The following PTPRG variants were observed in gnomAD, a reference collection of about 807,000 sequenced individuals.
The protein encoded by PTPRG is protein tyrosine phosphatase receptor type G, also known as receptor-type tyrosine-protein phosphatase gamma.
A neutral mutation model predicts 165.3 loss-of-function variants in PTPRG; 102 were observed. That is an observed-to-expected ratio of 0.62 (90% CI 0.53 to 0.73). The LOEUF (loss-of-function observed/expected upper bound fraction) is 0.73, where lower values mean the gene tolerates loss of function less well. PTPRG is among the 30% of genes least tolerant of loss of function. The pLI, the probability that PTPRG is intolerant of heterozygous loss-of-function variation, is 0.00. For missense variants in PTPRG, 1,866 were observed against 1,861.4 expected, an observed-to-expected ratio of 1.00 and a Z score of -0.05; for synonymous variants, 675 against 669.5, an observed-to-expected ratio of 1.01 and a Z score of -0.13.
At chr3:61,956,587 A>G (rs895904510) in intron 2 of PTPRG, among the ~76,000 whole-genome samples, 1 of 152,222 alleles carries the variant, frequency 6.6e-6, no homozygotes, top group African/African-American at 2.4e-5. Flanking sequence ...TCAATTAGAT[A>G]TGCCAGTCAC....
At chr3:62,180,953 G>A (rs1248404841) in intron 8 of PTPRG, among the ~76,000 whole-genome samples, 1 of 150,046 alleles carries the variant, frequency 6.7e-6, no homozygotes, top group Non-Finnish European at 1.5e-5. Flanking sequence ...TACATGCACA[G>A]CAGAGACAGC....
intron 2 of PTPRG, among the ~76,000 whole-genome samples, chr3:61,951,065 G>T (rs1238279243): frequency 6.6e-6 from 1 of 152,218 alleles, no homozygotes; most frequent in Non-Finnish European, 1.5e-5. Context: ...AGTACAAGAA[G>T]CTGTAAATTG....
At chr3:61,880,236 T>C (rs2037846258) in intron 2 of PTPRG, among the ~76,000 whole-genome samples, 1 of 152,220 alleles carries the variant, frequency 6.6e-6, no homozygotes, top group South Asian at 2.1e-4. Flanking sequence ...GGCTGACAGA[T>C]TAAGAAATTG....
chr3:62,096,285 C>T (rs1468268753), intron 5 of PTPRG, among the ~76,000 whole-genome samples: 3 of 152,158 alleles, frequency 2.0e-5, no homozygotes, highest in African/African-American at 7.2e-5. Context: ...AATAACGCTT[C>T]TGGAGGGTGA....
intron 12 of PTPRG, among the ~76,000 whole-genome samples, chr3:62,208,890 G>A (rs1025953344): frequency 5.3e-5 from 8 of 152,268 alleles, no homozygotes; most frequent in African/African-American, 1.7e-4. Context: ...CATGAATGTC[G>A]TACTTTGTTG....
intron 7 of PTPRG, among the ~76,000 whole-genome samples, chr3:62,164,699 T>C (rs1704901406): frequency 6.6e-6 from 1 of 152,250 alleles, no homozygotes. Flanking sequence ...TAAGCTGCAA[T>C]AGCAATTTAA....
intron 2 of PTPRG, among the ~76,000 whole-genome samples, chr3:61,829,643 G>A (rs1384993871): frequency 6.6e-6 from 1 of 152,238 alleles, no homozygotes; most frequent in Non-Finnish European, 1.5e-5. Flanking sequence ...CAGGGAGAGT[G>A]TATTAATCCA....
chr3:62,123,563 C>T, intron 5 of PTPRG, among the ~76,000 whole-genome samples: 1 of 152,080 alleles, frequency 6.6e-6, no homozygotes, highest in East Asian at 1.9e-4. Context: ...AATCACCATT[C>T]AATAAACACA....
chr3:61,809,553 G>A (rs931885691), intron 2 of PTPRG, among the ~76,000 whole-genome samples: 2 of 152,088 alleles, frequency 1.3e-5, no homozygotes, highest in African/African-American at 4.8e-5. Flanking sequence ...TTACATTTGA[G>A]TTCTGATCCT....
chr3:61,793,349 C>T (rs987951581), intron 2 of PTPRG, among the ~76,000 whole-genome samples: 1 of 152,126 alleles, frequency 6.6e-6, no homozygotes, highest in African/African-American at 2.4e-5. Flanking sequence ...TAATGAGCAT[C>T]TTTTCTGAGT....
chr3:61,907,182 A>C (rs1453390887), intron 2 of PTPRG, among the ~76,000 whole-genome samples: 1 of 151,474 alleles, frequency 6.6e-6, no homozygotes, highest in Admixed American at 6.6e-5. Context: ...GTAAATATTT[A>C]TTATAGAATA....
At chr3:61,593,077 CAT>C (rs1304852312) in intron 1 of PTPRG, among the ~76,000 whole-genome samples, 1 of 152,200 alleles carries the variant, frequency 6.6e-6, no homozygotes, top group Non-Finnish European at 1.5e-5. Context: ...AATGCAGACT[CAT>C]AGACTCTTAG....
rs200095969 is a variant in PTPRG, at chr3:61,767,186, G to A, written c.190+18204G>A. On this transcript the variant is annotated intron_variant, in intron 2 of 29. Coordinates refer to ENST00000474889, the MANE Select transcript of PTPRG (RefSeq NM_002841.4). ...TTGAACCTGAGAGACAGAGGTTGCAGTGAGCCGAGATTGCACCACTGCACT... is the reference window on the plus strand; with the variant it reads ...TTGAACCTGAGAGACAGAGGTTGCAATGAGCCGAGATTGCACCACTGCACT... Among the ~76,000 whole-genome samples the A allele has an allele frequency of 2.0e-4, 25 of 121,958 alleles. No homozygotes were observed. In the East Asian group the frequency reaches 6.1e-3, roughly 30 times the overall value. 80.0% of individuals were successfully genotyped at this position (121,958 alleles called of 152,430 possible). A position where few individuals can be genotyped will look rare whatever the true frequency, so the allele number is the denominator to read the frequency against.
At chr3:61,897,075 GT>G (rs993521065) in intron 2 of PTPRG, among the ~76,000 whole-genome samples, 18 of 151,948 alleles carry the variant, frequency 1.2e-4, no homozygotes, top group South Asian at 4.2e-4. Flanking sequence ...TGGCAGAAAA[GT>G]TTTTAGTTTT....
At chr3:61,662,723 G>A (rs1307064799) in intron 1 of PTPRG, among the ~76,000 whole-genome samples, 2 of 152,314 alleles carry the variant, frequency 1.3e-5, no homozygotes, top group East Asian at 1.9e-4. Context: ...GCAGAACTAG[G>A]TAAGGCCTTT....
chr3:61,931,573 C>G (rs1262370894), intron 2 of PTPRG, among the ~76,000 whole-genome samples: 1 of 152,164 alleles, frequency 6.6e-6, no homozygotes, highest in African/African-American at 2.4e-5. Context: ...TGCTCTTACA[C>G]AAGTCAAGAC....
chr3:61,743,312 C>A (rs141076170), intron 1 of PTPRG, among the ~76,000 whole-genome samples: 1 of 152,154 alleles, frequency 6.6e-6, no homozygotes, highest in Non-Finnish European at 1.5e-5. Flanking sequence ...CTGAGTGAGA[C>A]GTAAGCATCA....
At position 61,989,808 on chromosome 3, in the gene PTPRG, G is replaced by C. The variant is rs776129122; in HGVS notation, c.370+4G>C. ...ATGAAAAACACAGGGAAAACAGGTA[G>C]ACAATGGCTTCTTTATTTGTCCACA... On this transcript the variant is annotated splice_donor_region_variant and intron_variant, in intron 3 of 29. Coordinates refer to ENST00000474889, the MANE Select transcript of PTPRG (RefSeq NM_002841.4). The C allele has an allele frequency of 4.3e-6, 7 of 1,613,600 alleles. No individual in the cohort carries two copies. Among genetic ancestry groups the C allele is most frequent in the Non-Finnish European group, 5.9e-6 (7 of 1,179,756 alleles).
At chr3:62,060,362 C>T (rs1445812970) in intron 4 of PTPRG, among the ~76,000 whole-genome samples, 1 of 152,170 alleles carries the variant, frequency 6.6e-6, no homozygotes, top group African/African-American at 2.4e-5. Flanking sequence ...TGTTACACTT[C>T]CTGCAAGCAG....
Sources: gnomAD v4.1 joint callset for allele counts (sites outside exome capture counted in the v4.1 genomes callset) on GRCh38, gnomAD v4.1.1 for gene constraint, MANE v1.5 for transcripts, NCBI Gene and HGNC (gene_info 2026-07-23, HGNC 2026-07-21) for gene names.